Variants in NEGR1 observed in about 807,000 individuals in gnomAD.
NEGR1 encodes neuronal growth regulator 1, also known as IgLON family member 4.
A neutral mutation model predicts 40.9 loss-of-function variants in NEGR1; 10 were observed. That is an observed-to-expected ratio of 0.24 (90% confidence interval 0.15 to 0.42). NEGR1 has a LOEUF of 0.42. Ranked by LOEUF, NEGR1 falls within the 10% of genes least tolerant of loss-of-function variation. The pLI is 1.00. For missense variants in NEGR1, 352 were observed against 438.9 expected, an observed-to-expected ratio of 0.80 and a Z score of 1.77; for synonymous variants, 185 against 166.8, an observed-to-expected ratio of 1.11 and a Z score of -0.84.
At chr1:71,882,177 T>G (rs1660600644) in intron 2 of NEGR1, among the ~76,000 whole-genome samples, 1 of 152,092 alleles carries the variant, frequency 6.6e-6, no homozygotes, top group African/African-American at 2.4e-5. Flanking sequence ...ACGCGAAACT[T>G]GCTTTGTAGT....
chr1:71,524,934 G>A (rs1035237221), intron 6 of NEGR1, among the ~76,000 whole-genome samples: 6 of 151,652 alleles, frequency 4.0e-5, no homozygotes, highest in Non-Finnish European at 7.4e-5. Flanking sequence ...TGGAAAATGC[G>A]GAAAATAGAT....
chr1:71,581,300 AGAAAATGAT>A, intron 6 of NEGR1, among the ~76,000 whole-genome samples: 1 of 152,334 alleles, frequency 6.6e-6, no homozygotes, highest in East Asian at 1.9e-4. Context: ...TCGAGACTTA[AGAAAATGAT>A]GAAGTGAATA....
intron 2 of NEGR1, among the ~76,000 whole-genome samples, chr1:71,909,549 G>A (rs1661367128): frequency 6.6e-6 from 1 of 152,090 alleles, no homozygotes; most frequent in African/African-American, 2.4e-5. Flanking sequence ...ACAGTGGCTG[G>A]CACTAGTGAG....
At chr1:72,070,684 C>T (rs1647424554) in intron 1 of NEGR1, among the ~76,000 whole-genome samples, 1 of 151,942 alleles carries the variant, frequency 6.6e-6, no homozygotes, top group Non-Finnish European at 1.5e-5. Flanking sequence ...TTGGCAATCC[C>T]TGACTCCACC....
At chr1:71,796,234 G>A (rs1657319938) in intron 2 of NEGR1, among the ~76,000 whole-genome samples, 1 of 151,990 alleles carries the variant, frequency 6.6e-6, no homozygotes, top group Non-Finnish European at 1.5e-5. Context: ...CATCTCAGGA[G>A]GCACTACAGA....
chr1:71,985,650 C>T (rs914532448), intron 1 of NEGR1, among the ~76,000 whole-genome samples: 11 of 152,166 alleles, frequency 7.2e-5, no homozygotes, highest in Non-Finnish European at 1.2e-4. Context: ...ATGGACAAAT[C>T]TATTAAATTA....
At chr1:71,869,348 C>G (rs1660211266) in intron 2 of NEGR1, among the ~76,000 whole-genome samples, 2 of 151,966 alleles carry the variant, frequency 1.3e-5, no homozygotes. Context: ...TAAATTAAAG[C>G]TATACTATGA....
At chr1:71,647,424 T>C (rs1297374206) in intron 4 of NEGR1, among the ~76,000 whole-genome samples, 2 of 151,952 alleles carry the variant, frequency 1.3e-5, no homozygotes, top group African/African-American at 2.4e-5. Context: ...AAGCACTATG[T>C]CTTTCCCACA....
chr1:72,232,040 G>A (rs1025224743), intron 1 of NEGR1, among the ~76,000 whole-genome samples: 3 of 152,014 alleles, frequency 2.0e-5, no homozygotes, highest in Admixed American at 6.6e-5. Flanking sequence ...ATTTCTTAGA[G>A]TAGCCTTGGA....
chr1:71,653,785 T>G (rs1380176312), intron 4 of NEGR1, among the ~76,000 whole-genome samples: 5 of 152,040 alleles, frequency 3.3e-5, no homozygotes, highest in African/African-American at 9.7e-5. Context: ...TCATGAACAT[T>G]TCAAGATATA....
intron 1 of NEGR1, among the ~76,000 whole-genome samples, chr1:72,199,561 G>C (rs1466317125): frequency 6.6e-6 from 1 of 151,950 alleles, no homozygotes; most frequent in Non-Finnish European, 1.5e-5. Flanking sequence ...CTGGGTGATT[G>C]ACATTAAATA....
At chr1:71,718,744 GA>G (rs1166095696) in intron 3 of NEGR1, among the ~76,000 whole-genome samples, 1 of 151,904 alleles carries the variant, frequency 6.6e-6, no homozygotes. Flanking sequence ...TTTTTCTCTA[GA>G]AAAAAATTAC....
At chr1:71,536,562 T>C (rs1647522536) in intron 6 of NEGR1, among the ~76,000 whole-genome samples, 1 of 151,760 alleles carries the variant, frequency 6.6e-6, no homozygotes, top group South Asian at 2.1e-4. Context: ...AAAACTCTTT[T>C]CTTTGTAAAT....
At chr1:71,684,060 GGAGATC>G (rs1652934896) in intron 4 of NEGR1, among the ~76,000 whole-genome samples, 1 of 152,106 alleles carries the variant, frequency 6.6e-6, no homozygotes, top group Non-Finnish European at 1.5e-5. Flanking sequence ...CACGAGGTCA[GGAGATC>G]GAGACAATCC....
At chr1:71,825,936 C>T (rs189126943) in intron 2 of NEGR1, among the ~76,000 whole-genome samples, 96 of 152,018 alleles carry the variant, frequency 6.3e-4, no homozygotes, top group African/African-American at 2.3e-3. Flanking sequence ...TCCCAAAACA[C>T]CTTTCTTACA....
chr1:72,034,465 G>A (rs1194416688), intron 1 of NEGR1, among the ~76,000 whole-genome samples: 1 of 152,156 alleles, frequency 6.6e-6, no homozygotes, highest in Non-Finnish European at 1.5e-5. Context: ...AGCTTTACAT[G>A]CCTTGGTTTC....
At chr1:72,247,226 A>G (rs561963188) in intron 1 of NEGR1, among the ~76,000 whole-genome samples, 1 of 152,340 alleles carries the variant, frequency 6.6e-6, no homozygotes, top group African/African-American at 2.4e-5. Flanking sequence ...TTATGTGAAT[A>G]TCTCTGAAGG....
rs567981473 is a variant in NEGR1, at chr1:71,575,064, A to T, written c.940+17753T>A. On this transcript the variant is annotated intron_variant, in intron 6 of 6. Coordinates refer to ENST00000357731, the MANE Select transcript of NEGR1 (RefSeq NM_173808.3). ...AATAATAGGAGAACGTGGATTGCTC[A>T]TATGTGTTGCCTGCATTATGCCACT... Among the ~76,000 whole-genome samples, 16 of 152,308 alleles carry T rather than the reference A, an allele frequency of 1.1e-4. 1 individual carries two copies. The South Asian group carries it at 3.1e-3, about 30-fold the overall frequency.
intron 1 of NEGR1, among the ~76,000 whole-genome samples, chr1:72,126,091 A>ATGTGTG (rs67552146): frequency 0.012 from 1,831 of 146,732 alleles, 20 homozygotes; most frequent in African/African-American, 0.029. Flanking sequence ...AGAGAAAAGT[A>ATGTGTG]TGTGTGTGTG....
Sources: gnomAD v4.1 joint callset for allele counts (sites outside exome capture counted in the v4.1 genomes callset) on GRCh38, gnomAD v4.1.1 for gene constraint, MANE v1.5 for transcripts, NCBI Gene and HGNC (gene_info 2026-07-23, HGNC 2026-07-21) for gene names.